Variants in MUC13 observed in about 807,000 individuals in gnomAD.
MUC13 encodes mucin-13.
Under a neutral mutation model 48.3 loss-of-function variants are expected in MUC13, and 32 were observed. That is an observed-to-expected ratio of 0.66 (90% CI 0.50 to 0.89). The LOEUF (loss-of-function observed/expected upper bound fraction) is 0.89, where lower values mean the gene tolerates loss of function less well. MUC13 is among the 40% of genes least tolerant of loss of function. MUC13 has a pLI of 0.00. For missense variants in MUC13, 571 were observed against 622.8 expected (o/e 0.92, Z 0.88); for synonymous variants, 199 against 224.9 (o/e 0.88, Z 1.03).
intron 1 of MUC13, among the ~76,000 whole-genome samples, chr3:124,929,420 A>G (rs1243948182): frequency 6.6e-6 from 1 of 152,226 alleles, no homozygotes; most frequent in Admixed American, 6.5e-5. Context: ...TATTGAAAGA[A>G]AAAGGTTTAG....
rs192440364 is a variant in MUC13, at chr3:124,932,480, C to T, written c.52+2181G>A. ...AGTCTGGAGGCTGAGGCAGGAGAATCGCTTGAACCTGGGAGGCGGAGGTTG... is the reference window on the plus strand; with the variant it reads ...AGTCTGGAGGCTGAGGCAGGAGAATTGCTTGAACCTGGGAGGCGGAGGTTG... On this transcript the variant is annotated intron_variant, in intron 1 of 11. Transcript: ENST00000616727. 4.9e-3 allele frequency among the ~76,000 whole-genome samples: 736 copies of T among 151,120 alleles called. 5 individuals carry two copies. The highest frequency in any genetic ancestry group is 0.017 in the African/African-American group (711 of 41,128).
chr3:124,928,089 T>C, intron 1 of MUC13, 96 bp from the exon 2 acceptor site: 3 of 1,060,984 alleles, frequency 2.8e-6, no homozygotes, highest in Non-Finnish European at 3.9e-6. Flanking sequence ...ATTCTTTTTT[T>C]TTTTTTTTTA....
chr3:124,909,889 A>G (rs1041211760), intron 10 of MUC13, among the ~76,000 whole-genome samples: 2 of 152,200 alleles, frequency 1.3e-5, no homozygotes, highest in African/African-American at 4.8e-5. Flanking sequence ...GTTAAACCAA[A>G]AAAAACCTCA....
intron 1 of MUC13, among the ~76,000 whole-genome samples, chr3:124,928,868 T>C (rs539856891): frequency 2.6e-5 from 4 of 152,198 alleles, no homozygotes; most frequent in Non-Finnish European, 5.9e-5. Context: ...TTAAGGCAAC[T>C]GTCCCATTTT....
At chr3:124,915,360 C>G (rs1935495979) in intron 6 of MUC13, among the ~76,000 whole-genome samples, 1 of 152,220 alleles carries the variant, frequency 6.6e-6, no homozygotes, top group African/African-American at 2.4e-5. Context: ...GTGATGTAAG[C>G]AGAGACTTGA....
chr3:124,922,807 T>G (rs563592762), intron 3 of MUC13, among the ~76,000 whole-genome samples: 1 of 117,782 alleles, frequency 8.5e-6, no homozygotes, highest in Admixed American at 8.7e-5. Context: ...TAATATTCTG[T>G]GAAGTACATG....
chr3:124,907,924 A>G (rs1935342984), intron 11 of MUC13, among the ~76,000 whole-genome samples: 1 of 152,212 alleles, frequency 6.6e-6, no homozygotes, highest in South Asian at 2.1e-4. Context: ...TGAGAAAATC[A>G]AAGGCCAGGG....
Position 124,923,669 on chromosome 3 carries a change from G to A in MUC13, c.515-20C>T, listed in dbSNP as rs755782266. ...TGGGACCTTAGATGGAGTAGAAAGAGATTAGAAATCCAGAGAAATGACAAT... is the reference window on the plus strand; with the variant it reads ...TGGGACCTTAGATGGAGTAGAAAGAAATTAGAAATCCAGAGAAATGACAAT... On this transcript the variant is annotated intron_variant, in intron 2 of 11. Coordinates refer to ENST00000616727, the MANE Select transcript of MUC13 (RefSeq NM_033049.4). The A allele has an allele frequency of 3.6e-5, 58 of 1,602,070 alleles. No homozygotes were observed. The highest frequency in any genetic ancestry group is 4.8e-5 in the Non-Finnish European group (57 of 1,176,474).
intron 6 of MUC13, among the ~76,000 whole-genome samples, chr3:124,914,236 C>T (rs1177297047): frequency 6.6e-6 from 1 of 151,678 alleles, no homozygotes; most frequent in African/African-American, 2.4e-5. Context: ...ATGGTGAAAC[C>T]CCATCTCTGC....
rs772967784 is a variant in MUC13 at position 124,927,842 on chromosome 3, TG to T, written c.203del (p.Ser68TyrfsTer6). On this transcript the variant is annotated frameshift_variant, in exon 2 of 12. Transcript: ENST00000616727. LOFTEE classifies it high-confidence loss of function. The stretch of plus-strand genomic sequence containing the variant: ...GTGTACTAATTATGGGGGGAGCAGG[TG>T]AAGTAGCTGTTGGGAAAGAAGGTGT... Reference protein sequence around the residue: ...ANTPSFPTATSPAPPIISTHS... With the variant: ...ANTPSFPTATXPAPPIISTHS... 8 of 1,614,022 alleles carry T rather than the reference TG, an allele frequency of 5.0e-6. No individual in the cohort carries two copies. In the East Asian group the frequency reaches 1.6e-4, roughly 31 times the overall value.
intron 1 of MUC13, 100 bp downstream of exon 1, chr3:124,934,561 A>G (rs893109992): frequency 1.3e-6 from 1 of 793,980 alleles, no homozygotes; most frequent in Non-Finnish European, 2.2e-6. Context: ...AAAATAGACC[A>G]TGTGCTGGGC....
At chr3:124,912,935 CAAAAA>C (rs1175714352) in intron 8 of MUC13, among the ~76,000 whole-genome samples, 171 bp downstream of exon 8, 1 of 41,264 alleles carries the variant, frequency 2.4e-5, no homozygotes, top group Admixed American at 2.5e-4. Context: ...GACTCCATCT[CAAAAA>C]AAAAAAAAAA....
At chr3:124,914,616 T>C (rs951290191) in intron 6 of MUC13, among the ~76,000 whole-genome samples, 7 of 152,088 alleles carry the variant, frequency 4.6e-5, no homozygotes, top group African/African-American at 1.7e-4. Context: ...TCTTTGCCAC[T>C]GAAGCCGGAG....
In MUC13 at chr3:124,906,256, C is replaced by G. The variant is rs1032304977; in HGVS notation, c.*487G>C. The G allele has an allele frequency of 2.6e-5, 4 of 152,652 alleles. No individual in the cohort carries two copies. The highest frequency in any genetic ancestry group is 9.7e-5 in the African/African-American group (4 of 41,446). The allele number at this position is 152,652 out of a possible 1,614,324, so 9.5% of individuals were successfully genotyped here. On this transcript the variant is annotated 3_prime_UTR_variant, in exon 12 of 12. Coordinates refer to ENST00000616727, the MANE Select transcript of MUC13 (RefSeq NM_033049.4). ...CTATTCTGACTTGTCAGAGAGTGAG[C>G]TTGTGACCCTTGAAAGATGGTGGGT...
chr3:124,929,174 TATTTTA>T (rs759854064), intron 1 of MUC13, among the ~76,000 whole-genome samples: 33 of 144,598 alleles, frequency 2.3e-4, no homozygotes, highest in Middle Eastern at 3.5e-3. Context: ...CCCACTCTTT[TATTTTA>T]TTTTTTTTTT....
At chr3:124,920,347 A>G (rs1226704190) in intron 4 of MUC13, 58 bp from the exon 5 acceptor site, 2 of 1,353,118 alleles carry the variant, frequency 1.5e-6, no homozygotes, top group Non-Finnish European at 2.1e-6. Context: ...CACATTTTCT[A>G]CAAATCAAAT....
At position 124,934,701 on chromosome 3, in the gene MUC13, G is replaced by A. The variant is rs902459780; in HGVS notation, c.12C>T (p.Ile4=). The change falls in exon 1 of 12, where the codon ATC becomes ATT. Residue 4 remains isoleucine, a synonymous_variant. Transcript: ENST00000616727. MKA[I]IHLTLLALLS... ...GGAGAGCAAGAAGAGTAAGATGAATGATGGCTTTCATTTTAGCTGTTCTTG... is the reference window on the plus strand; with the variant it reads ...GGAGAGCAAGAAGAGTAAGATGAATAATGGCTTTCATTTTAGCTGTTCTTG... 6 of 1,610,268 alleles carry A rather than the reference G, an allele frequency of 3.7e-6. No homozygotes were observed. The highest frequency in any genetic ancestry group is 3.3e-5 in the Admixed American group (2 of 59,970).
intron 10 of MUC13, among the ~76,000 whole-genome samples, chr3:124,910,093 G>A (rs534980775): frequency 1.3e-5 from 2 of 152,198 alleles, no homozygotes; most frequent in African/African-American, 4.8e-5. Context: ...TCCTGCTATT[G>A]CCTATATAAT....
At chr3:124,907,655 T>G (rs535369567) in intron 11 of MUC13, among the ~76,000 whole-genome samples, 86 of 79,034 alleles carry the variant, frequency 1.1e-3, no homozygotes, top group Admixed American at 1.7e-3. Context: ...TATATATATA[T>G]ATAGAGAGAG....
Sources: allele counts gnomAD v4.1 joint callset (sites outside exome capture counted in the v4.1 genomes callset), GRCh38; gene constraint gnomAD v4.1.1; transcripts MANE v1.5; gene names NCBI Gene and HGNC (gene_info 2026-07-23, HGNC 2026-07-21).